The following HOXB3 variants were observed in gnomAD, a reference collection of about 807,000 sequenced individuals.
HOXB3 encodes the protein homeobox protein Hox-B3.
Under a neutral mutation model 29.2 loss-of-function variants are expected in HOXB3, and 17 were observed. That is an observed-to-expected ratio of 0.58 (90% CI 0.40 to 0.87). The LOEUF (loss-of-function observed/expected upper bound fraction) is 0.87, where lower values mean the gene tolerates loss of function less well. Ranked by LOEUF, HOXB3 falls within the 40% of genes least tolerant of loss-of-function variation. HOXB3 has a pLI of 0.00. For synonymous variants in HOXB3, 317 were observed against 285.9 expected, an observed-to-expected ratio of 1.11 and a Z score of -1.10; for missense variants, 637 against 616.3, an observed-to-expected ratio of 1.03 and a Z score of -0.35.
At chr17:48,564,679 A>G (rs921339734) in intron 2 of HOXB3, among the ~76,000 whole-genome samples, 1 of 152,206 alleles carries the variant, frequency 6.6e-6, no homozygotes, top group Non-Finnish European at 1.5e-5. Flanking sequence ...CGGGGGCGCC[A>G]TGGCGGAAGG....
intron 2 of HOXB3, among the ~76,000 whole-genome samples, chr17:48,570,489 G>T (rs752438443): frequency 2.0e-5 from 3 of 152,198 alleles, no homozygotes; most frequent in Non-Finnish European, 4.4e-5. Flanking sequence ...GGGCAGGCAG[G>T]GAATCCAGGA....
chr17:48,585,047 T>C (rs965269670), intron 1 of HOXB3, among the ~76,000 whole-genome samples: 1 of 152,032 alleles, frequency 6.6e-6, no homozygotes. Flanking sequence ...GGTCTCATTC[T>C]GCTACGCGCC....
intron 4 of HOXB3, among the ~76,000 whole-genome samples, chr17:48,551,448 G>A (rs1261278835): frequency 6.6e-6 from 1 of 152,190 alleles, no homozygotes; most frequent in African/African-American, 2.4e-5. Context: ...ATGTCACGCA[G>A]ACAGAGCCGC....
intron 4 of HOXB3, chr17:48,551,395 G>C: frequency 2.3e-6 from 1 of 430,444 alleles, no homozygotes; most frequent in Non-Finnish European, 3.6e-6. Flanking sequence ...TTTATTAAGA[G>C]ACCTGTTCTC....
At chr17:48,579,027 G>A (rs1182241154) in intron 1 of HOXB3, 1 of 152,226 alleles carries the variant, frequency 6.6e-6, no homozygotes, top group African/African-American at 2.4e-5. Context: ...AACCGCGGGC[G>A]GATCGATAGG....
chr17:48,589,178 G>A (rs2070101259), intron 1 of HOXB3, among the ~76,000 whole-genome samples: 1 of 152,108 alleles, frequency 6.6e-6, no homozygotes, highest in African/African-American at 2.4e-5. Flanking sequence ...GGACTTTGAG[G>A]GTGTGCCCAG....
intron 1 of HOXB3, chr17:48,578,586 C>T (rs28501510): frequency 0.084 from 33,274 of 395,594 alleles, 2,074 homozygotes; most frequent in East Asian, 0.26. Flanking sequence ...ACATAGGGCT[C>T]CTGCGGGGCG....
chr17:48,554,337 T>G lies in HOXB3; in HGVS notation c.-159+1194A>C. ...AGTCTGATTGTTACAGCAATAATAA[T>G]GATGACGATGATGATGATAGTAATA... On this transcript the variant is annotated intron_variant, in intron 3 of 4. Transcript: ENST00000498678. This position sits in a 1 kb window ranked among gnomAD's most constrained non-coding sequence, Gnocchi z 4.1. 1 of 370,380 alleles carries G rather than the reference T, an allele frequency of 2.7e-6. No individual in the cohort carries two copies. The highest frequency in any genetic ancestry group is 4.9e-6 in the Non-Finnish European group (1 of 202,610). 22.9% of individuals were successfully genotyped at this position (370,380 alleles called of 1,614,324 possible).
At chr17:48,577,787 C>G (rs549526645) in intron 1 of HOXB3, 11 of 1,269,830 alleles carry the variant, frequency 8.7e-6, no homozygotes, top group East Asian at 2.9e-5. Flanking sequence ...TCAACCCCCC[C>G]CCAACCCATG....
chr17:48,578,606 T>G, intron 1 of HOXB3: 10 of 323,232 alleles, frequency 3.1e-5, no homozygotes, highest in East Asian at 9.3e-5. Flanking sequence ...GACCCCCTCC[T>G]TGCCTCGCTC....
rs146112353 is a variant in HOXB3 at position 48,550,861 on chromosome 17, C to A, written c.769G>T (p.Gly257Trp). The A allele has an allele frequency of 7.3e-5, 118 of 1,613,804 alleles. No individual in the cohort carries two copies. Among genetic ancestry groups the A allele is most frequent in the Admixed American group, 4.3e-4 (26 of 59,986 alleles). The change falls in exon 5 of 5, where the codon GGG becomes TGG. Residue 257 changes from glycine to tryptophan, a missense_variant. By Grantham distance (184) the Gly-to-Trp change is radical. Coordinates refer to ENST00000498678, the MANE Select transcript of HOXB3 (RefSeq NM_001384749.1). ...QKAKGLASSS[G>W]GPSPAGSPPQ... ...GGGCTGCCGGCTGGAGATGGGCCCC[C>A]CGACGACGAGGCCAATCCCTTGGCC...
intron 1 of HOXB3, chr17:48,580,435 G>A (rs1314909222): frequency 6.6e-6 from 1 of 151,692 alleles, no homozygotes; most frequent in Non-Finnish European, 1.5e-5. Context: ...GCCTCTCAGC[G>A]AAGGGAGGAG....
intron 2 of HOXB3, among the ~76,000 whole-genome samples, chr17:48,564,803 G>A (rs2069333654): frequency 6.6e-6 from 1 of 152,244 alleles, no homozygotes; most frequent in South Asian, 2.1e-4. Context: ...GTGGGGACAG[G>A]GAGGGCGGCA....
At chr17:48,585,117 C>G (rs983520592) in intron 1 of HOXB3, among the ~76,000 whole-genome samples, 3 of 152,114 alleles carry the variant, frequency 2.0e-5, no homozygotes, top group African/African-American at 7.2e-5. Context: ...GCCAATGTCC[C>G]TACTACCCCA....
At chr17:48,551,347 CCGCCCGT>C (rs2068734609) in intron 4 of HOXB3, 166 bp from the exon 5 acceptor site, 1 of 753,810 alleles carries the variant, frequency 1.3e-6, no homozygotes, top group South Asian at 5.8e-5. Flanking sequence ...CCCCACCCCA[CCGCCCGT>C]CGCATTAGCG....
rs926152025 is a variant in HOXB3, at chr17:48,558,249, G to A, written c.-246-2631C>T. Among the ~76,000 whole-genome samples, 7 of 152,266 alleles carry A rather than the reference G, an allele frequency of 4.6e-5. No individual in the cohort carries two copies. In the South Asian group the frequency reaches 8.3e-4, roughly 18 times the overall value. ...GCCGGCTGCAGGAGAAGCGGGCCTGGAGCTGAGCTGGGAGTGGAGGAGTGT... is the reference window on the plus strand; with the variant it reads ...GCCGGCTGCAGGAGAAGCGGGCCTGAAGCTGAGCTGGGAGTGGAGGAGTGT... On this transcript the variant is annotated intron_variant, in intron 2 of 4. Transcript: ENST00000498678.
intron 1 of HOXB3, chr17:48,577,841 GA>G: frequency 7.2e-7 from 1 of 1,394,942 alleles, no homozygotes; most frequent in African/African-American, 1.5e-5. Context: ...GTGGGAGGGG[GA>G]AGGGGTGCCC....
At chr17:48,589,558 G>C (rs569870750) in intron 1 of HOXB3, among the ~76,000 whole-genome samples, 1 of 152,300 alleles carries the variant, frequency 6.6e-6, no homozygotes, top group Admixed American at 6.5e-5. Flanking sequence ...TGAAGCCAAA[G>C]ATAACCGGAG....
In HOXB3 at chr17:48,552,571, ACCCCCC is replaced by A; in HGVS notation, c.-103_-98del. 1.9e-6 allele frequency: 1 copy of A among 529,440 alleles called. No homozygotes were observed. 32.8% of individuals were successfully genotyped at this position (529,440 alleles called of 1,614,324 possible). On this transcript the variant is annotated 5_prime_UTR_variant, in exon 4 of 5. Transcript: ENST00000498678. ...CCCTGGGGGTCACGTGACACGCCGGACCCCCCCCCCCCACCTCCCCTCTCTGCCCCC... is the reference window on the plus strand; with the variant it reads ...CCCTGGGGGTCACGTGACACGCCGGACCCCCCACCTCCCCTCTCTGCCCCC...
Sources: allele counts gnomAD v4.1 joint callset (sites outside exome capture counted in the v4.1 genomes callset), GRCh38; gene constraint gnomAD v4.1.1; non-coding constraint Gnocchi (gnomAD v3.1); transcripts MANE v1.5; gene names NCBI Gene and HGNC (gene_info 2026-07-23, HGNC 2026-07-21).